NAA25: variants seen among roughly 807,000 people sequenced by gnomAD.
NAA25 encodes the protein N-terminal acetyltransferase B complex subunit NAA25.
NAA25 carries 30 observed loss-of-function variants against 132.5 expected under a neutral mutation model. The ratio of observed to expected loss-of-function variants is 0.23; its 90% CI spans 0.17 to 0.31. The LOEUF is 0.31. NAA25 is among the 10% of genes least tolerant of loss of function. The pLI is 1.00. For synonymous variants in NAA25, 359 were observed against 401.9 expected (o/e 0.89, Z 1.28); for missense variants, 771 against 1,150.4 (o/e 0.67, Z 4.77).
rs2078106928 is a variant in NAA25, at chr12:112,028,218, T to C, written c.*1313A>G. The C allele has an allele frequency of 1.3e-5, 2 of 152,444 alleles. No individual in the cohort carries two copies. The highest frequency in any genetic ancestry group is 4.1e-4 in the South Asian group (2 of 4,830). The allele number at this position is 152,444 out of a possible 1,614,324, so 9.4% of individuals were successfully genotyped here. ...GACCAATCCTCCATTGGATGCTTAA[T>C]TTCCTCATCAAATTCATTTCTTTGC... On this transcript the variant is annotated 3_prime_UTR_variant, in exon 24 of 24. Transcript: ENST00000261745.
At chr12:112,089,452 G>A (rs1468343027) in intron 3 of NAA25, among the ~76,000 whole-genome samples, 1 of 152,084 alleles carries the variant, frequency 6.6e-6, no homozygotes, top group Non-Finnish European at 1.5e-5. Context: ...CCTAGATATT[G>A]TAATGTAACC....
chr12:112,096,449 T>C (rs1245903478), intron 1 of NAA25, among the ~76,000 whole-genome samples: 2 of 152,200 alleles, frequency 1.3e-5, no homozygotes, highest in Non-Finnish European at 2.9e-5. Context: ...CAATTAACAC[T>C]TAACTAAAAC....
In NAA25 at chr12:112,029,109, G is replaced by A; in HGVS notation, c.*422C>T. ...AGGCATGGTCTCCCCTCCACTTCTTGTGGCTCAAGGACCAGACCAAAAACT... is the reference window on the plus strand; with the variant it reads ...AGGCATGGTCTCCCCTCCACTTCTTATGGCTCAAGGACCAGACCAAAAACT... On this transcript the variant is annotated 3_prime_UTR_variant, in exon 24 of 24. Transcript: ENST00000261745. The A allele has an allele frequency of 6.0e-6, 1 of 165,736 alleles. No individual in the cohort carries two copies. Among genetic ancestry groups the A allele is most frequent in the Middle Eastern group, 3.0e-3 (1 of 328 alleles). The allele number at this position is 165,736 out of a possible 1,614,324, so 10.3% of individuals were successfully genotyped here.
chr12:112,049,452 T>G lies in NAA25; in HGVS notation c.1729-1009A>C. ...CATTACGTCTGAATAATTTGCCCAGTAGGAAAATAGGCCAATAGTCAACAA... is the reference window on the plus strand; with the variant it reads ...CATTACGTCTGAATAATTTGCCCAGGAGGAAAATAGGCCAATAGTCAACAA... On this transcript the variant is annotated intron_variant, in intron 15 of 23. Transcript: ENST00000261745. This position sits in a 1 kb window ranked among gnomAD's most constrained non-coding sequence, Gnocchi z 4.7. The G allele has an allele frequency of 1.0e-6, 1 of 985,786 alleles. No homozygotes were observed. Among genetic ancestry groups the G allele is most frequent in the Non-Finnish European group, 1.2e-6 (1 of 829,914 alleles). The allele number at this position is 985,786 out of a possible 1,614,324, so 61.1% of individuals were successfully genotyped here.
chr12:112,077,616 T>G (rs1207228161), intron 7 of NAA25, among the ~76,000 whole-genome samples: 1 of 152,042 alleles, frequency 6.6e-6, no homozygotes. Flanking sequence ...AGACCTCATC[T>G]CTTTAAAATA....
chr12:112,073,506 G>C (rs931844654), intron 9 of NAA25, among the ~76,000 whole-genome samples: 4 of 151,980 alleles, frequency 2.6e-5, no homozygotes, highest in South Asian at 2.1e-4. Context: ...GCACGATCTC[G>C]GCTCACTGCA....
Position 112,061,261 on chromosome 12 carries a change from A to G in NAA25, c.1277T>C (p.Leu426Ser). 6.2e-7 allele frequency: 1 copy of G among 1,614,200 alleles called. No individual in the cohort carries two copies. The highest frequency in any genetic ancestry group is 1.1e-5 in the South Asian group (1 of 91,086). Residue 426 changes from leucine to serine, a missense_variant, in exon 12 of 24, where the codon TTG becomes TCG. By Grantham distance (145) the Leu-to-Ser change is moderately radical (BLOSUM62 -2). This residue lies in a region of NAA25 where 417 missense variants were observed against 733.8 expected (regional missense o/e 0.57). Coordinates refer to ENST00000261745, the MANE Select transcript of NAA25 (RefSeq NM_024953.4). ...CTGATTTTTATCCATGGTGTGGTAC[A>G]AGCCAAGTAACCTCGTCAGCTGCAC... ...CVVQLTRLLG[L>S]YHTMDKNQKL...
At chr12:112,068,269 G>A (rs1185670629) in intron 11 of NAA25, among the ~76,000 whole-genome samples, 1 of 152,154 alleles carries the variant, frequency 6.6e-6, no homozygotes, top group African/African-American at 2.4e-5. Flanking sequence ...CCCATAGATA[G>A]AGATGGGAGA....
At chr12:112,088,626 T>TC (rs1172656804) in intron 3 of NAA25, among the ~76,000 whole-genome samples, 3 of 150,680 alleles carry the variant, frequency 2.0e-5, no homozygotes, top group Non-Finnish European at 4.5e-5. Context: ...GAAAGTGCTT[T>TC]TTTTTTTTTT....
intron 5 of NAA25, 29 bp from the exon 6 acceptor site, chr12:112,078,770 T>C (rs755298154): frequency 6.4e-7 from 1 of 1,555,572 alleles, no homozygotes; most frequent in Non-Finnish European, 8.9e-7. Flanking sequence ...TGTTTCATTC[T>C]AATTCTCCCC....
At chr12:112,075,453 T>A (rs999158681) in intron 8 of NAA25, among the ~76,000 whole-genome samples, 2 of 152,206 alleles carry the variant, frequency 1.3e-5, no homozygotes, top group African/African-American at 4.8e-5. Flanking sequence ...CCTCTCAAAG[T>A]GCTGGGATCA....
rs529870600 is a variant in NAA25, at chr12:112,106,639, G to A, written c.58+2077C>T. On this transcript the variant is annotated intron_variant, in intron 1 of 23. Coordinates refer to ENST00000261745, the MANE Select transcript of NAA25 (RefSeq NM_024953.4). ...ATCAGTGTCTTCAGCTCAAAGTGAG[G>A]TAGTTTCTAGCACAGTGGTTAAGAA... 3.3e-5 allele frequency among the ~76,000 whole-genome samples: 5 copies of A among 152,232 alleles called. No homozygotes were observed. The South Asian group carries it at 1.0e-3, about 32-fold the overall frequency.
intron 4 of NAA25, among the ~76,000 whole-genome samples, chr12:112,086,073 T>TATATATATATACACACACACACAC (rs759148501): frequency 1.9e-5 from 1 of 53,964 alleles, no homozygotes; most frequent in Admixed American, 3.0e-4. Flanking sequence ...TATATATATA[T>TATATATATATACACACACACACAC]ACACACACAC....
chr12:112,078,695 G>C lies in NAA25; in HGVS notation c.524C>G (p.Pro175Arg), dbSNP rs771181329. Reference sequence around the variant, plus strand: ...TTTTTCGACCATTCTCTCAGCAAGGGGCAGAAACATTGTTTTTGAGAGGTT... The same window carrying C: ...TTTTTCGACCATTCTCTCAGCAAGGCGCAGAAACATTGTTTTTGAGAGGTT... ...DENLSKTMFL[P>R]LAERMVEKMV... Residue 175 changes from proline to arginine, a missense_variant, in exon 6 of 24, where the codon CCC (proline) becomes CGC (arginine). Transcript: ENST00000261745. 3.1e-6 allele frequency: 5 copies of C among 1,613,798 alleles called. No individual in the cohort carries two copies. The highest frequency in any genetic ancestry group is 3.3e-5 in the Admixed American group (2 of 59,970).
intron 13 of NAA25, among the ~76,000 whole-genome samples, chr12:112,058,143 T>C (rs2078575177): frequency 6.6e-6 from 1 of 150,634 alleles, no homozygotes; most frequent in African/African-American, 2.4e-5. Flanking sequence ...CGAGACTCCA[T>C]CCCAAAACAA....
At chr12:112,073,386 C>G (rs2078844126) in intron 9 of NAA25, among the ~76,000 whole-genome samples, 1 of 152,146 alleles carries the variant, frequency 6.6e-6, no homozygotes, top group South Asian at 2.1e-4. Context: ...AGCATCAGCT[C>G]ATAACTGTCA....
At chr12:112,091,427 G>A (rs935926429) in intron 2 of NAA25, among the ~76,000 whole-genome samples, 2 of 151,900 alleles carry the variant, frequency 1.3e-5, no homozygotes, top group Non-Finnish European at 2.9e-5. Context: ...AATGGCTCAC[G>A]AATGTAACCC....
intron 10 of NAA25, among the ~76,000 whole-genome samples, chr12:112,069,648 C>T (rs901487803): frequency 6.6e-6 from 1 of 150,840 alleles, no homozygotes; most frequent in African/African-American, 2.4e-5. Context: ...TGGAGAAACT[C>T]GTCTTGACTC....
intron 7 of NAA25, 67 bp from the exon 8 acceptor site, chr12:112,075,856 C>A: frequency 8.2e-7 from 1 of 1,223,066 alleles, no homozygotes; most frequent in Non-Finnish European, 1.2e-6. Flanking sequence ...GAATAGAGTC[C>A]AACCACAAGA....
Sources: gnomAD v4.1 joint callset for allele counts (sites outside exome capture counted in the v4.1 genomes callset) on GRCh38, gnomAD v4.1.1 for gene constraint, gnomAD v4.1.1 regional missense constraint, Gnocchi (gnomAD v3.1) non-coding constraint, MANE v1.5 for transcripts, NCBI Gene and HGNC (gene_info 2026-07-23, HGNC 2026-07-21) for gene names.